EOMES: variants seen among roughly 807,000 people sequenced by gnomAD.
EOMES encodes the protein eomesodermin homolog.
EOMES carries 18 observed loss-of-function variants against 61.0 expected under a neutral mutation model. The ratio of observed to expected loss-of-function variants is 0.30; its 90% CI spans 0.20 to 0.44. The LOEUF (loss-of-function observed/expected upper bound fraction) is 0.44, where lower values mean the gene tolerates loss of function less well. EOMES is among the 20% of genes least tolerant of loss of function. EOMES has a pLI of 1.00. For missense variants in EOMES, 885 were observed against 939.2 expected (o/e 0.94, Z 0.75); for synonymous variants, 430 against 394.0 (o/e 1.09, Z -1.08).
Position 27,716,688 on chromosome 3 carries a change from A to G in EOMES, c.*382T>C, listed in dbSNP as rs1273949256. 7 of 172,432 alleles carry G rather than the reference A, an allele frequency of 4.1e-5. No individual in the cohort carries two copies. The highest frequency in any genetic ancestry group is 7.4e-5 in the Non-Finnish European group (6 of 80,540). 10.7% of individuals were successfully genotyped at this position (172,432 alleles called of 1,614,324 possible). On this transcript the variant is annotated 3_prime_UTR_variant, in exon 6 of 6. Coordinates refer to ENST00000449599, the MANE Select transcript of EOMES (RefSeq NM_001278182.2). The stretch of plus-strand genomic sequence containing the variant: ...CAAAACACCTTAACACTCGGCTTCT[A>G]TTTGCTTAAGAATTTACAAATAGAA...
Position 27,722,202 on chromosome 3 carries a change from C to T in EOMES, c.93G>A (p.Gly31=). 1 of 1,602,622 alleles carries T rather than the reference C, an allele frequency of 6.2e-7. No individual in the cohort carries two copies. The highest frequency in any genetic ancestry group is 8.5e-7 in the Non-Finnish European group (1 of 1,175,822). ...CCGCGCTGGGGAGGTGGCCAGCGCT[C>T]CCGCCGCTGCCGCCTCGCGCACTCT... ...PLESARGGSG[G]SAGHLPSAAP... Residue 31 remains glycine, a synonymous_variant, in exon 1 of 6, where the codon GGG becomes GGA. Transcript: ENST00000449599.
rs757181277 is a variant in EOMES at position 27,720,531 on chromosome 3, C to CAAAAAAAAA, written c.882-215_882-207dup. On this transcript the variant is annotated intron_variant, in intron 1 of 5. Transcript: ENST00000449599. ...AACTCTTGGAACCTTTCCGTCTTTTCAAAAAAAAAAAAAAAAAAAAAAAAA... is the reference window on the plus strand; with the variant it reads ...AACTCTTGGAACCTTTCCGTCTTTTCAAAAAAAAAAAAAAAAAAAAAAAAAAAAAAAAAA... Among the ~76,000 whole-genome samples the CAAAAAAAAA allele has an allele frequency of 1.4e-4, 9 of 62,322 alleles. 1 individual carries two copies. Among genetic ancestry groups the CAAAAAAAAA allele is most frequent in the Non-Finnish European group, 2.5e-4 (8 of 32,050 alleles). 40.9% of individuals were successfully genotyped at this position (62,322 alleles called of 152,430 possible).
intron 2 of EOMES, among the ~76,000 whole-genome samples, 194 bp from the exon 3 acceptor site, chr3:27,719,675 C>T (rs112728857): frequency 0.011 from 1,647 of 152,270 alleles, 32 homozygotes; most frequent in East Asian, 0.079. Context: ...GGCCCCTGTG[C>T]TTCCAACCTT....
upstream of EOMES, chr3:27,722,612 G>T (rs531804409): frequency 1.7e-4 from 192 of 1,147,850 alleles, no homozygotes; most frequent in Middle Eastern, 1.4e-3. Context: ...TCACACGCTG[G>T]AAGAAGGTGA....
At chr3:27,722,505 T>C (rs2060625013), upstream of EOMES, 1 of 1,350,984 alleles carries the variant, frequency 7.4e-7, no homozygotes, top group African/African-American at 1.5e-5. Flanking sequence ...GAAAGCGCCG[T>C]GAGTTGGAAA....
Position 27,716,954 on chromosome 3 carries a change from A to G in EOMES, c.*116T>C. The G allele has an allele frequency of 1.4e-6, 1 of 720,178 alleles. No individual in the cohort carries two copies. Among genetic ancestry groups the G allele is most frequent in the Non-Finnish European group, 2.3e-6 (1 of 427,858 alleles). 44.6% of individuals were successfully genotyped at this position (720,178 alleles called of 1,614,324 possible). On this transcript the variant is annotated 3_prime_UTR_variant, in exon 6 of 6. Transcript: ENST00000449599. ...CTTTTAGAGAATTGCACAAAACAGG[A>G]TGCATCAAGGTGGAAGGCAAACATC...
chr3:27,720,379 C>T (rs1052122711), intron 1 of EOMES, 54 bp from the exon 2 acceptor site: 15 of 1,512,882 alleles, frequency 9.9e-6, no homozygotes, highest in African/African-American at 4.1e-5. Context: ...TGTCCTAGAA[C>T]AGGCCCAGGC....
rs1178154299 is a variant in EOMES at position 27,717,248 on chromosome 3, A to G, written c.1940T>C (p.Leu647Pro). The change falls in exon 6 of 6, where the codon CTA becomes CCA. Residue 647 changes from leucine (L) to proline (P), a missense_variant. Coordinates refer to ENST00000449599, the MANE Select transcript of EOMES (RefSeq NM_001278182.2). This position sits in a 1 kb window ranked among gnomAD's most constrained non-coding sequence, Gnocchi z 4.5. ...GTATACTCCTGAATCATTGGAATCT[A>G]GAGATTTGATGGAAGGGGGTGTCTC... Reference protein sequence around the residue: ...WIETPPSIKSLDSNDSGVYTS... With the variant: ...WIETPPSIKSPDSNDSGVYTS... 1.2e-6 allele frequency: 2 copies of G among 1,610,890 alleles called. No homozygotes were observed. The highest frequency in any genetic ancestry group is 2.2e-5 in the East Asian group (1 of 44,860).
rs1011148499 is a variant in EOMES at position 27,721,612 on chromosome 3, G to C, written c.683C>G (p.Pro228Arg). 3.9e-6 allele frequency: 6 copies of C among 1,544,562 alleles called. No individual in the cohort carries two copies. Among genetic ancestry groups the C allele is most frequent in the Middle Eastern group, 1.9e-4 (1 of 5,268 alleles). ...AGGSSGGGGG[P>R]GTYQYSQGAP... Reference sequence around the variant, plus strand: ...CCCCTGGCTGTACTGATAGGTGCCCGGGCCGCCGCCCCCGCCGCTGCTACC... The same window carrying C: ...CCCCTGGCTGTACTGATAGGTGCCCCGGCCGCCGCCCCCGCCGCTGCTACC... The change falls in exon 1 of 6, where the codon CCG becomes CGG. Residue 228 changes from proline (P) to arginine (R), a missense_variant. By Grantham distance (103) the Pro-to-Arg change is moderately radical. Around this residue, in one of 3 missense-constraint regions of EOMES, gnomAD observed 449 missense variants for 383.6 expected, o/e 1.17. Transcript: ENST00000449599. This position sits in a 1 kb window ranked among gnomAD's most constrained non-coding sequence, Gnocchi z 7.4.
In EOMES at chr3:27,722,204, C is replaced by T. The variant is rs756645181; in HGVS notation, c.91G>A (p.Gly31Arg). The change falls in exon 1 of 6, where the codon GGG (glycine) becomes AGG (arginine). Residue 31 changes from glycine to arginine, a missense_variant. Coordinates refer to ENST00000449599, the MANE Select transcript of EOMES (RefSeq NM_001278182.2). ...PLESARGGSGGSAGHLPSAAP... is the reference protein window; with the variant it reads ...PLESARGGSGRSAGHLPSAAP... ...GCGCTGGGGAGGTGGCCAGCGCTCC[C>T]GCCGCTGCCGCCTCGCGCACTCTCC... is the stretch of plus-strand genomic sequence containing the variant. 5 of 1,603,638 alleles carry T rather than the reference C, an allele frequency of 3.1e-6. No homozygotes were observed. The highest frequency in any genetic ancestry group is 4.5e-5 in the East Asian group (2 of 44,114).
chr3:27,717,577 C>A lies in EOMES; in HGVS notation c.1611G>T (p.Trp537Cys). The change falls in exon 6 of 6, where the codon TGG becomes TGT. Residue 537 changes from tryptophan (W) to cysteine (C), a missense_variant. Around this residue, in one of 3 missense-constraint regions of EOMES, gnomAD observed 259 missense variants for 282.3 expected, o/e 0.92. Coordinates refer to ENST00000449599, the MANE Select transcript of EOMES (RefSeq NM_001278182.2). This position sits in a 1 kb window ranked among gnomAD's most constrained non-coding sequence, Gnocchi z 4.5. ...SEEVANPPQR[W>C]LVTPVQQPGT... Reference sequence around the variant, plus strand: ...CAGGTTGCTGGACAGGCGTGACAAGCCACCGCTGGGGAGGGTTGGCCACCT... The same window carrying A: ...CAGGTTGCTGGACAGGCGTGACAAGACACCGCTGGGGAGGGTTGGCCACCT... 1 of 1,614,176 alleles carries A rather than the reference C, an allele frequency of 6.2e-7. No homozygotes were observed. Among genetic ancestry groups the A allele is most frequent in the Non-Finnish European group, 8.5e-7 (1 of 1,180,036 alleles).
At position 27,717,846 on chromosome 3, in the gene EOMES, A is replaced by C. The variant is rs545670833; in HGVS notation, c.1380-38T>G. ...GAGAAACACTTAAAAAAAAAAAAAA[A>C]CCCTAATGTTGTCCCCAAACAAACC... On this transcript the variant is annotated intron_variant, in intron 5 of 5. Coordinates refer to ENST00000449599, the MANE Select transcript of EOMES (RefSeq NM_001278182.2). This position sits in a 1 kb window ranked among gnomAD's most constrained non-coding sequence, Gnocchi z 4.5. The C allele has an allele frequency of 1.8e-5, 22 of 1,229,930 alleles. No homozygotes were observed. The highest frequency in any genetic ancestry group is 4.8e-5 in the African/African-American group (3 of 62,032). The allele number at this position is 1,229,930 out of a possible 1,614,324, so 76.2% of individuals were successfully genotyped here.
rs1465917246 is a variant in EOMES, at chr3:27,721,493, G to A, written c.802C>T (p.His268Tyr). 1.1e-5 allele frequency: 17 copies of A among 1,613,362 alleles called. No homozygotes were observed. Among genetic ancestry groups the A allele is most frequent in the Non-Finnish European group, 1.4e-5 (16 of 1,179,806 alleles). The change falls in exon 1 of 6, where the codon CAC becomes TAC. Residue 268 changes from histidine to tyrosine, a missense_variant. Physicochemically the swap from His to Tyr is moderately conservative, Grantham distance 83 (BLOSUM62 2). This residue lies in a region of EOMES where 177 missense variants were observed against 273.3 expected (regional missense o/e 0.65). Coordinates refer to ENST00000449599, the MANE Select transcript of EOMES (RefSeq NM_001278182.2). The surrounding 1 kb of genome is among the most constrained non-coding windows in gnomAD (Gnocchi z 7.4). ...LGVPGSGFRA[H>Y]VYLCNRPLWL... ...AGAGGCCGGTTGCACAGGTAGACGT[G>A]GGCACGGAAGCCAGAACCTGGAACC...
chr3:27,722,637 C>A (rs12490305), upstream of EOMES: 21 of 1,082,522 alleles, frequency 1.9e-5, no homozygotes, highest in African/African-American at 3.5e-4. Context: ...GATCTTTGTC[C>A]CCATCCACCC....
intron 3 of EOMES, 147 bp downstream of exon 3, chr3:27,719,213 C>A: frequency 1.2e-6 from 1 of 847,790 alleles, no homozygotes. Flanking sequence ...TGAGAAAGGT[C>A]AAAAGAACAA....
At chr3:27,720,041 A>G in intron 2 of EOMES, 130 bp downstream of exon 2, 2 of 844,460 alleles carry the variant, frequency 2.4e-6, no homozygotes, top group South Asian at 1.8e-5. Flanking sequence ...AGACACTCAT[A>G]CTAACACCTC....
rs780978389 is a variant in EOMES, at chr3:27,718,871, T to C, written c.1181A>G (p.His394Arg). ...AATATGCAGTCGGGGTTGGTATTTG[T>C]GTAAGGATTGTAAGACTATCATCTG... is the stretch of plus-strand genomic sequence containing the variant. ...NTQMIVLQSL[H>R]KYQPRLHIVE... The change falls in exon 4 of 6, where the codon CAC (histidine) becomes CGC (arginine). Residue 394 changes from histidine to arginine, a missense_variant. Physicochemically the swap from His to Arg is conservative, Grantham distance 29. Coordinates refer to ENST00000449599, the MANE Select transcript of EOMES (RefSeq NM_001278182.2). The C allele has an allele frequency of 1.4e-5, 22 of 1,612,934 alleles. No individual in the cohort carries two copies. The highest frequency in any genetic ancestry group is 2.7e-5 in the African/African-American group (2 of 74,992).
In EOMES at chr3:27,718,797, T is replaced by A. The variant is rs773523432; in HGVS notation, c.1255A>T (p.Thr419Ser). ...GVEDLNEPSK[T>S]QTFTFSETQF... ...GTTTCTGAGAAGGTAAAAGTCTGGG[T>A]CTTTGAGGGCTCATTCAAGTCCTCC... The change falls in exon 4 of 6, where the codon ACC (threonine) becomes TCC (serine). Residue 419 changes from threonine (T) to serine (S), a missense_variant. By Grantham distance (58) the Thr-to-Ser change is moderately conservative. Transcript: ENST00000449599. 7 of 1,614,008 alleles carry A rather than the reference T, an allele frequency of 4.3e-6. No homozygotes were observed. In the African/African-American group the frequency reaches 5.3e-5, roughly 12 times the overall value.
chr3:27,717,852 ATGT>A lies in EOMES; in HGVS notation c.1380-47_1380-45del. ...CACTTAAAAAAAAAAAAAAACCCTA[ATGT>A]TGTCCCCAAACAAACCACCTCCCAG... On this transcript the variant is annotated intron_variant, in intron 5 of 5. Transcript: ENST00000449599. The surrounding 1 kb of genome is among the most constrained non-coding windows in gnomAD (Gnocchi z 4.5). The A allele has an allele frequency of 3.0e-6, 4 of 1,324,420 alleles. No homozygotes were observed. Among genetic ancestry groups the A allele is most frequent in the Non-Finnish European group, 4.1e-6 (4 of 987,496 alleles). The allele number at this position is 1,324,420 out of a possible 1,614,324, so 82.0% of individuals were successfully genotyped here. A position where few individuals can be genotyped will look rare whatever the true frequency, so the allele number is the denominator to read the frequency against.
Sources: allele counts gnomAD v4.1 joint callset (sites outside exome capture counted in the v4.1 genomes callset), GRCh38; gene constraint gnomAD v4.1.1; regional missense constraint gnomAD v4.1.1; non-coding constraint Gnocchi (gnomAD v3.1); transcripts MANE v1.5; gene names NCBI Gene and HGNC (gene_info 2026-07-23, HGNC 2026-07-21).